Variants in SLC35F5 observed in about 807,000 individuals in gnomAD.
SLC35F5 encodes the protein HCV NS5A-transactivated protein 3.
Under a neutral mutation model 68.6 loss-of-function variants are expected in SLC35F5, and 54 were observed. The observed-to-expected ratio is 0.79, with a 90% CI of 0.63 to 0.99. SLC35F5 has a LOEUF of 0.99. SLC35F5 is among the 50% of genes least tolerant of loss of function. The pLI, the probability that SLC35F5 is intolerant of heterozygous loss-of-function variation, is 0.00. For synonymous variants in SLC35F5, 211 were observed against 205.2 expected (o/e 1.03, Z -0.24); for missense variants, 567 against 626.9 (o/e 0.90, Z 1.02).
Position 113,729,440 on chromosome 2 carries a change from C to T in SLC35F5, c.1051G>A (p.Val351Ile). The change falls in exon 11 of 16, where the codon GTA becomes ATA. Residue 351 changes from valine (V) to isoleucine (I), a missense_variant. Val to Ile is a conservative substitution (Grantham distance 29, BLOSUM62 3). Coordinates refer to ENST00000245680, the MANE Select transcript of SLC35F5 (RefSeq NM_025181.5). ...AVYIVMIKRK[V>I]DREDKLDIPM... ...ATATCCAACTTGTCTTCTCTATCTA[C>T]TTTTCTCTTAATCATAACAATATAG... The T allele has an allele frequency of 6.3e-7, 1 of 1,591,410 alleles. No homozygotes were observed. The highest frequency in any genetic ancestry group is 8.6e-7 in the Non-Finnish European group (1 of 1,168,228).
At position 113,707,223 on chromosome 2, in the gene SLC35F5, T is replaced by C. The variant is rs1686823375; in HGVS notation, c.*7995A>G. The stretch of plus-strand genomic sequence containing the variant: ...TCCGAAAGTACTCTTTGATTACCTC[T>C]GGCCTTCTGGGTCTGGTAATTAAGT... On this transcript the variant is annotated 3_prime_UTR_variant, in exon 16 of 16. Coordinates refer to ENST00000245680, the MANE Select transcript of SLC35F5 (RefSeq NM_025181.5). Among the ~76,000 whole-genome samples, 1 of 152,234 alleles carries C rather than the reference T, an allele frequency of 6.6e-6. No individual in the cohort carries two copies. The highest frequency in any genetic ancestry group is 2.1e-4 in the South Asian group (1 of 4,832).
intron 1 of SLC35F5, 140 bp downstream of exon 1, chr2:113,756,230 G>A (rs899127219): frequency 6.6e-7 from 1 of 1,522,246 alleles, no homozygotes; most frequent in Non-Finnish European, 8.8e-7. Flanking sequence ...GTCAGCTCCC[G>A]CTCCCTCCGC....
intron 13 of SLC35F5, among the ~76,000 whole-genome samples, chr2:113,722,011 G>A (rs1218980417): frequency 2.3e-5 from 2 of 86,784 alleles, no homozygotes; most frequent in Non-Finnish European, 4.3e-5. Flanking sequence ...GTCTTGTTCT[G>A]TTGCCCAGGC....
At chr2:113,749,695 G>C (rs1378685511) in intron 4 of SLC35F5, among the ~76,000 whole-genome samples, 1 of 152,044 alleles carries the variant, frequency 6.6e-6, no homozygotes, top group Non-Finnish European at 1.5e-5. Flanking sequence ...TTTCGGTCTA[G>C]GATGATGAAA....
Position 113,755,877 on chromosome 2 carries a change from C to T in SLC35F5, c.41-333G>A, listed in dbSNP as rs1676963996. 3.2e-6 allele frequency: 5 copies of T among 1,550,684 alleles called. No homozygotes were observed. In the East Asian group the frequency reaches 1.2e-4, roughly 38 times the overall value. On this transcript the variant is annotated intron_variant, in intron 1 of 15. Coordinates refer to ENST00000245680, the MANE Select transcript of SLC35F5 (RefSeq NM_025181.5). ...CACCTCTCCATCCAGAGGAATCCAT[C>T]CCTGGGGACAGCGTCTAGACACTGT...
intron 12 of SLC35F5, among the ~76,000 whole-genome samples, chr2:113,724,299 G>A (rs1208583781): frequency 1.3e-5 from 2 of 152,204 alleles, no homozygotes; most frequent in African/African-American, 4.8e-5. Context: ...AGCTGTTAAG[G>A]TGGATCCAAT....
chr2:113,744,480 T>G (rs1265226406), intron 5 of SLC35F5, among the ~76,000 whole-genome samples: 1 of 152,148 alleles, frequency 6.6e-6, no homozygotes, highest in Non-Finnish European at 1.5e-5. Context: ...GGCACAGTGG[T>G]TCAGGCCTGT....
intron 15 of SLC35F5, 188 bp downstream of exon 15, chr2:113,717,565 G>A (rs1447177650): frequency 2.0e-5 from 8 of 397,340 alleles, no homozygotes; most frequent in South Asian, 1.4e-4. Flanking sequence ...GGAGCATCAA[G>A]AGATTAAGAA....
At chr2:113,756,066 C>A in intron 1 of SLC35F5, 1 of 1,459,614 alleles carries the variant, frequency 6.9e-7, no homozygotes, top group South Asian at 1.5e-5. Context: ...AACATCCAGT[C>A]ATTTTAAAAG....
downstream of SLC35F5, chr2:113,703,862 A>T (rs770752056): frequency 6.6e-6 from 1 of 152,190 alleles, no homozygotes; most frequent in Non-Finnish European, 1.5e-5. Context: ...GGACTCTAAC[A>T]TCCTAATGTG....
chr2:113,721,143 C>T lies in SLC35F5; in HGVS notation c.1342-1835G>A, dbSNP rs138502999. 6.8e-4 allele frequency: 103 copies of T among 151,994 alleles called. 2 individuals are homozygous for T. The East Asian group carries it at 0.017, about 25-fold the overall frequency. 9.4% of individuals were successfully genotyped at this position (151,994 alleles called of 1,614,324 possible). A position where few individuals can be genotyped will look rare whatever the true frequency, so the allele number is the denominator to read the frequency against. On this transcript the variant is annotated intron_variant, in intron 13 of 15. Transcript: ENST00000245680. ...ACATTTCAGAAGCTATATATAAATACAGTTAGCTAATTAAACCTAAAAACC... is the reference window on the plus strand; with the variant it reads ...ACATTTCAGAAGCTATATATAAATATAGTTAGCTAATTAAACCTAAAAACC...
At chr2:113,704,754 C>T (rs1271582699), downstream of SLC35F5, among the ~76,000 whole-genome samples, 2 of 152,088 alleles carry the variant, frequency 1.3e-5, no homozygotes, top group Admixed American at 6.5e-5. Flanking sequence ...CCGCAAGCAC[C>T]GCGCGCAGCC....
chr2:113,729,273 C>A, intron 11 of SLC35F5, 128 bp downstream of exon 11: 1 of 559,142 alleles, frequency 1.8e-6, no homozygotes, highest in Non-Finnish European at 3.1e-6. Context: ...CCTTCATAAT[C>A]TTTAAATGGT....
chr2:113,756,532 C>G lies in SLC35F5; in HGVS notation c.-123G>C, dbSNP rs1278763062. ...CCCAGCTCCTGAAGACGCGGTGCCC[C>G]TCAGGGAGAGGCTCCCGACACCACC... is the stretch of plus-strand genomic sequence containing the variant. On this transcript the variant is annotated 5_prime_UTR_variant, in exon 1 of 16. Coordinates refer to ENST00000245680, the MANE Select transcript of SLC35F5 (RefSeq NM_025181.5). The G allele has an allele frequency of 6.7e-7, 1 of 1,488,288 alleles. No individual in the cohort carries two copies. The highest frequency in any genetic ancestry group is 8.9e-7 in the Non-Finnish European group (1 of 1,123,118). The allele number at this position is 1,488,288 out of a possible 1,614,324, so 92.2% of individuals were successfully genotyped here. A position where few individuals can be genotyped will look rare whatever the true frequency, so the allele number is the denominator to read the frequency against.
At chr2:113,756,257 G>A in intron 1 of SLC35F5, 113 bp downstream of exon 1, 1 of 1,539,748 alleles carries the variant, frequency 6.5e-7, no homozygotes, top group Non-Finnish European at 8.7e-7. Context: ...AGACCTTCAC[G>A]GTTTCGGTCA....
chr2:113,704,629 T>TC (rs1686762597), downstream of SLC35F5, among the ~76,000 whole-genome samples: 1 of 151,744 alleles, frequency 6.6e-6, no homozygotes, highest in African/African-American at 2.4e-5. Context: ...CGGCACACCC[T>TC]CCGCAGCCGC....
intron 5 of SLC35F5, among the ~76,000 whole-genome samples, chr2:113,745,663 CT>C (rs1233176571): frequency 6.6e-6 from 1 of 151,964 alleles, no homozygotes; most frequent in Non-Finnish European, 1.5e-5. Context: ...GACCAAAACC[CT>C]GTCTCTAAAA....
chr2:113,756,040 C>G, intron 1 of SLC35F5: 1 of 1,473,120 alleles, frequency 6.8e-7, no homozygotes, highest in South Asian at 1.4e-5. Flanking sequence ...CATGCTCCTC[C>G]ACCCACCTCT....
In SLC35F5 at chr2:113,713,670, C is replaced by T. The variant is rs1559309679; in HGVS notation, c.*1548G>A. 6.8e-6 allele frequency: 1 copy of T among 147,740 alleles called. No homozygotes were observed. The highest frequency in any genetic ancestry group is 1.5e-5 in the Non-Finnish European group (1 of 67,484). The allele number at this position is 147,740 out of a possible 1,614,324, so 9.2% of individuals were successfully genotyped here. On this transcript the variant is annotated 3_prime_UTR_variant, in exon 16 of 16. Transcript: ENST00000245680. ...CTAAACAGGTCAAAAGTATAATAAACTCAACATTATTTTTAACTTGCGTTA... is the reference window on the plus strand; with the variant it reads ...CTAAACAGGTCAAAAGTATAATAAATTCAACATTATTTTTAACTTGCGTTA...
Sources: gnomAD v4.1 joint callset for allele counts (sites outside exome capture counted in the v4.1 genomes callset) on GRCh38, gnomAD v4.1.1 for gene constraint, MANE v1.5 for transcripts, NCBI Gene and HGNC (gene_info 2026-07-23, HGNC 2026-07-21) for gene names.